PBX4: variants seen among roughly 807,000 people sequenced by gnomAD.
PBX4 encodes the protein PBX homeobox 4.
In PBX4, 26 loss-of-function variants were observed where a neutral mutation model predicts 35.1. The observed-to-expected ratio is 0.74, with a 90% CI of 0.54 to 1.03. PBX4 has a LOEUF of 1.03. Ranked by LOEUF, PBX4 falls within the 50% of genes least tolerant of loss-of-function variation. PBX4 has a pLI of 0.00. For synonymous variants in PBX4, 199 were observed against 204.2 expected, an observed-to-expected ratio of 0.97 and a Z score of 0.22; for missense variants, 448 against 504.3, an observed-to-expected ratio of 0.89 and a Z score of 1.07.
intron 2 of PBX4, among the ~76,000 whole-genome samples, chr19:19,577,779 G>A (rs2061429216): frequency 6.6e-6 from 1 of 151,070 alleles, no homozygotes; most frequent in Non-Finnish European, 1.5e-5. Flanking sequence ...GAATCGCTTG[G>A]AACTGTGAGG....
rs370913334 is a variant in PBX4, at chr19:19,604,749, T to G, written c.120-5384A>C. On this transcript the variant is annotated intron_variant, in intron 1 of 7. Transcript: ENST00000251203. Reference sequence around the variant, plus strand: ...CTGAGTAGCTGGAACTATAGGCGCGTGCCACCACACTCAGCTAATTTTTTA... The same window carrying G: ...CTGAGTAGCTGGAACTATAGGCGCGGGCCACCACACTCAGCTAATTTTTTA... 3.1e-3 allele frequency among the ~76,000 whole-genome samples: 476 copies of G among 152,012 alleles called. 3 individuals carry two copies. Among genetic ancestry groups the G allele is most frequent in the African/African-American group, 0.011 (462 of 41,504 alleles).
intron 6 of PBX4, 53 bp downstream of exon 6, chr19:19,564,880 C>A: frequency 6.2e-7 from 1 of 1,609,462 alleles, no homozygotes; most frequent in South Asian, 1.1e-5. Context: ...AGATGCAGCT[C>A]AGTGGCCGTC....
At chr19:19,617,544 A>G (rs2061694754) in intron 1 of PBX4, among the ~76,000 whole-genome samples, 2 of 152,030 alleles carry the variant, frequency 1.3e-5, no homozygotes, top group Non-Finnish European at 2.9e-5. Context: ...TCAGCCTCCT[A>G]AAGTGCTGTG....
chr19:19,570,488 C>T, intron 3 of PBX4, 98 bp downstream of exon 3: 1 of 1,545,454 alleles, frequency 6.5e-7, no homozygotes, highest in Non-Finnish European at 8.8e-7. Context: ...CATGGACTCC[C>T]TGTTCTGCGC....
intron 1 of PBX4, among the ~76,000 whole-genome samples, chr19:19,604,622 A>G (rs907146995): frequency 1.3e-5 from 2 of 150,808 alleles, no homozygotes; most frequent in African/African-American, 4.9e-5. Flanking sequence ...TATTTTTGAG[A>G]TGGAGTCTCG....
At chr19:19,576,876 G>T (rs953394364) in intron 2 of PBX4, among the ~76,000 whole-genome samples, 1 of 152,038 alleles carries the variant, frequency 6.6e-6, no homozygotes, top group African/African-American at 2.4e-5. Context: ...GCCTCCCAAA[G>T]TGCTTGGGAT....
intron 5 of PBX4, among the ~76,000 whole-genome samples, chr19:19,567,074 G>A (rs1249220234): frequency 6.6e-6 from 1 of 152,168 alleles, no homozygotes; most frequent in Non-Finnish European, 1.5e-5. Flanking sequence ...CTGTCTGTGT[G>A]CTCTCTGTTC....
chr19:19,613,822 A>G (rs1395550480), intron 1 of PBX4, among the ~76,000 whole-genome samples: 1 of 152,196 alleles, frequency 6.6e-6, no homozygotes, highest in African/African-American at 2.4e-5. Context: ...ACAAAGTATA[A>G]TAAAGCCACT....
Position 19,618,570 on chromosome 19 carries a change from G to T in PBX4, c.60C>A (p.Ser20Arg). Residue 20 changes from serine (S) to arginine (R), a missense_variant, in exon 1 of 8, where the codon AGC becomes AGA. Transcript: ENST00000251203. ...SPPAPRRLDT[S>R]DVLQQIMAIT... ...TGGCCATGATCTGCTGCAGGACGTC[G>T]CTCGTGTCGAGGCGCCGCGGGGCGG... is the stretch of plus-strand genomic sequence containing the variant. 1 of 1,364,966 alleles carries T rather than the reference G, an allele frequency of 7.3e-7. No homozygotes were observed. The highest frequency in any genetic ancestry group is 9.5e-7 in the Non-Finnish European group (1 of 1,052,216). The allele number at this position is 1,364,966 out of a possible 1,614,324, so 84.6% of individuals were successfully genotyped here.
At chr19:19,576,803 G>A (rs1196141035) in intron 2 of PBX4, among the ~76,000 whole-genome samples, 1 of 151,360 alleles carries the variant, frequency 6.6e-6, no homozygotes, top group Non-Finnish European at 1.5e-5. Flanking sequence ...TTGTAGAGAT[G>A]GCATCTCACT....
chr19:19,604,661 C>T (rs1267923753), intron 1 of PBX4, among the ~76,000 whole-genome samples: 3 of 151,616 alleles, frequency 2.0e-5, no homozygotes, highest in Non-Finnish European at 4.4e-5. Context: ...AGTGCAGTAG[C>T]GCGATCTTGG....
At chr19:19,581,674 C>A (rs563923476) in intron 2 of PBX4, among the ~76,000 whole-genome samples, 37 of 152,278 alleles carry the variant, frequency 2.4e-4, no homozygotes, top group Admixed American at 9.8e-4. Context: ...GGAGGAGCGA[C>A]CTACTCACTT....
In PBX4 at chr19:19,565,008, C is replaced by T. The variant is rs1183232898; in HGVS notation, c.850G>A (p.Gly284Ser). ...TCCGTGGTATCCACAGCCGTTTTAC[C>T]CGTGTAAATGGTAGCCTCTTCTTGA... ...KFQEEATIYT[G>S]KTAVDTTEVG... is the part of the protein sequence containing the mutation. The change falls in exon 6 of 8, where the codon GGT becomes AGT. Residue 284 changes from glycine (G) to serine (S), a missense_variant. By Grantham distance (56) the Gly-to-Ser change is moderately conservative. Transcript: ENST00000251203. 4 of 1,614,190 alleles carry T rather than the reference C, an allele frequency of 2.5e-6. No individual in the cohort carries two copies. In the East Asian group the frequency reaches 6.7e-5, roughly 27 times the overall value.
chr19:19,568,201 C>T (rs1433181310), intron 5 of PBX4, among the ~76,000 whole-genome samples: 3 of 117,762 alleles, frequency 2.5e-5, no homozygotes, highest in Non-Finnish European at 3.5e-5. Flanking sequence ...TCACACTCTA[C>T]CAGTATCCCT....
At chr19:19,614,304 C>T (rs762916969) in intron 1 of PBX4, among the ~76,000 whole-genome samples, 13 of 152,050 alleles carry the variant, frequency 8.5e-5, no homozygotes, top group Non-Finnish European at 1.6e-4. Context: ...AGCACTCCAG[C>T]CTGGGTGACA....
intron 2 of PBX4, among the ~76,000 whole-genome samples, chr19:19,580,407 C>T (rs2061446803): frequency 6.6e-6 from 1 of 152,196 alleles, no homozygotes; most frequent in Non-Finnish European, 1.5e-5. Context: ...GTCTCCTATG[C>T]TACTGGCCTC....
At position 19,569,502 on chromosome 19, in the gene PBX4, TG is replaced by T. The variant is rs1181521760; in HGVS notation, c.714del (p.Ser239AlafsTer141). On this transcript the variant is annotated frameshift_variant, in exon 5 of 8. Coordinates refer to ENST00000251203, the MANE Select transcript of PBX4 (RefSeq NM_025245.3). LOFTEE classifies it high-confidence loss of function. ...GCCAGCTCTTCTTTGGCTTCTTCGC[TG>T]GGGTAAGGGTTGTTCAGATGGGAGT... ...YFYSHLNNPY[P>X]SEEAKEELAR... The T allele has an allele frequency of 6.2e-7, 1 of 1,613,590 alleles. No individual in the cohort carries two copies. The highest frequency in any genetic ancestry group is 8.5e-7 in the Non-Finnish European group (1 of 1,179,748).
In PBX4 at chr19:19,584,904, G is replaced by A. The variant is rs554331326; in HGVS notation, c.194-14071C>T. 1.0e-3 allele frequency among the ~76,000 whole-genome samples: 157 copies of A among 151,984 alleles called. 1 individual carries two copies. Among genetic ancestry groups the A allele is most frequent in the African/African-American group, 3.6e-3 (151 of 41,458 alleles). The stretch of plus-strand genomic sequence containing the variant: ...CCCAAAGGGCTGGGATTACAGGCGC[G>A]AGCCACCTCCTGGCCCAAGGGCTGT... On this transcript the variant is annotated intron_variant, in intron 2 of 7. Transcript: ENST00000251203.
chr19:19,578,081 T>C (rs1397550959), intron 2 of PBX4, among the ~76,000 whole-genome samples: 2 of 148,540 alleles, frequency 1.3e-5, no homozygotes, highest in Non-Finnish European at 3.0e-5. Context: ...TCTCAGCTAC[T>C]TGGGAGGCTG....
Sources: gnomAD v4.1 joint callset for allele counts (sites outside exome capture counted in the v4.1 genomes callset) on GRCh38, gnomAD v4.1.1 for gene constraint, MANE v1.5 for transcripts, NCBI Gene and HGNC (gene_info 2026-07-23, HGNC 2026-07-21) for gene names.